The following GPHN variants were observed in gnomAD, a reference collection of about 807,000 sequenced individuals.
The protein encoded by GPHN is gephyrin.
GPHN carries 17 observed loss-of-function variants against 95.5 expected under a neutral mutation model. The observed-to-expected ratio is 0.18, with a 90% CI of 0.12 to 0.27. GPHN has a LOEUF of 0.27. GPHN is among the 10% of genes least tolerant of loss of function. The pLI, the probability that GPHN is intolerant of heterozygous loss-of-function variation, is 1.00. For synonymous variants in GPHN, 320 were observed against 322.5 expected, an observed-to-expected ratio of 0.99 and a Z score of 0.08; for missense variants, 660 against 978.1, an observed-to-expected ratio of 0.67 and a Z score of 4.34.
chr14:67,180,091 T>C (rs2083245976), intron 22 of GPHN, among the ~76,000 whole-genome samples: 1 of 152,224 alleles, frequency 6.6e-6, no homozygotes, highest in Non-Finnish European at 1.5e-5. Context: ...CATACGCTAG[T>C]TATTGGTAAA....
In GPHN at chr14:66,921,745, A is replaced by C. The variant is rs142244584; in HGVS notation, c.457-921A>C. On this transcript the variant is annotated intron_variant, in intron 6 of 22. Transcript: ENST00000478722. ...CATATGGCACCAAAAAAGAGCCCGCATAGCCAAAGCAAGACTAAGCAAAAA... is the reference window on the plus strand; with the variant it reads ...CATATGGCACCAAAAAAGAGCCCGCCTAGCCAAAGCAAGACTAAGCAAAAA... Among the ~76,000 whole-genome samples, 1,087 of 152,292 alleles carry C rather than the reference A, an allele frequency of 7.1e-3. 23 individuals are homozygous for C. The highest frequency in any genetic ancestry group is 0.025 in the African/African-American group (1,037 of 41,570).
At chr14:66,708,663 A>G (rs1019939232) in intron 2 of GPHN, among the ~76,000 whole-genome samples, 9 of 152,294 alleles carry the variant, frequency 5.9e-5, no homozygotes, top group Non-Finnish European at 1.2e-4. Flanking sequence ...TGAGTCTGAG[A>G]GATTGCCAGA....
the GPHN span, among the ~76,000 whole-genome samples, chr14:67,493,713 T>C: frequency 2.6e-5 from 4 of 152,082 alleles, no homozygotes; most frequent in South Asian, 8.3e-4. Context: ...GGTTCAGGGA[T>C]GGATACATGC....
At chr14:67,658,032 AGCCACTG>A in the GPHN span, among the ~76,000 whole-genome samples, 1 of 152,190 alleles carries the variant, frequency 6.6e-6, no homozygotes, top group Non-Finnish European at 1.5e-5. Context: ...TACAGGCGTA[AGCCACTG>A]TGCCCGGCGC....
intron 8 of GPHN, among the ~76,000 whole-genome samples, chr14:66,924,954 G>A (rs769639273): frequency 2.6e-5 from 4 of 151,592 alleles, no homozygotes; most frequent in African/African-American, 4.8e-5. Context: ...AAAAAAAAAC[G>A]ATCTAAGTCC....
chr14:66,585,056 C>T (rs2061362832), intron 1 of GPHN, among the ~76,000 whole-genome samples: 1 of 152,146 alleles, frequency 6.6e-6, no homozygotes, highest in African/African-American at 2.4e-5. Context: ...ATTATTGCCT[C>T]AGTTTCAGAG....
the GPHN span, chr14:67,570,136 G>A: frequency 2.7e-6 from 2 of 753,044 alleles, no homozygotes; most frequent in Non-Finnish European, 4.4e-6. Flanking sequence ...CCAGGGAGCT[G>A]AGCCCAGCAC....
chr14:66,617,056 G>A (rs1033177096), intron 1 of GPHN, among the ~76,000 whole-genome samples: 1 of 152,154 alleles, frequency 6.6e-6, no homozygotes, highest in African/African-American at 2.4e-5. Flanking sequence ...ATTGGTGGAG[G>A]GGTTATGCTT....
chr14:67,393,025 T>G, the GPHN span: 2 of 909,178 alleles, frequency 2.2e-6, no homozygotes, highest in East Asian at 2.4e-5. Context: ...CATGGCCATC[T>G]CAGGCTAGCC....
chr14:67,311,094 C>T, the GPHN span, among the ~76,000 whole-genome samples: 2 of 151,990 alleles, frequency 1.3e-5, no homozygotes, highest in African/African-American at 4.8e-5. Context: ...GGTGGATCAC[C>T]TGAGGTCAGG....
the GPHN span, chr14:67,583,865 C>T: frequency 1.2e-6 from 2 of 1,613,522 alleles, no homozygotes; most frequent in Non-Finnish European, 8.5e-7. Context: ...AGACATGGGG[C>T]CCCCGCTGAA....
intron 1 of GPHN, among the ~76,000 whole-genome samples, chr14:66,575,773 T>TG (rs900819837): frequency 3.3e-5 from 5 of 152,002 alleles, no homozygotes; most frequent in African/African-American, 4.8e-5. Flanking sequence ...CCTGTGTCTA[T>TG]GGGGGGCTGG....
chr14:67,399,341 G>C, the GPHN span, among the ~76,000 whole-genome samples: 1 of 151,220 alleles, frequency 6.6e-6, no homozygotes, highest in African/African-American at 2.4e-5. Context: ...CAGGAATAAA[G>C]AGAAGGGTAG....
chr14:66,752,067 T>G (rs2058386810), intron 2 of GPHN, among the ~76,000 whole-genome samples: 1 of 152,128 alleles, frequency 6.6e-6, no homozygotes, highest in African/African-American at 2.4e-5. Context: ...TGAAGCAACT[T>G]CTGCTAGCTT....
intron 6 of GPHN, among the ~76,000 whole-genome samples, chr14:66,922,414 AAG>A (rs2066271107): frequency 6.6e-6 from 1 of 152,180 alleles, no homozygotes; most frequent in South Asian, 2.1e-4. Context: ...TTTCAATTAA[AAG>A]AGTGGTCATT....
chr14:66,883,559 C>T (rs536512347), intron 5 of GPHN, among the ~76,000 whole-genome samples: 1 of 152,056 alleles, frequency 6.6e-6, no homozygotes, highest in African/African-American at 2.4e-5. Context: ...TTTCCTTGTT[C>T]TATGTTGAGA....
At chr14:66,703,743 A>G (rs2068784792) in intron 2 of GPHN, among the ~76,000 whole-genome samples, 1 of 152,206 alleles carries the variant, frequency 6.6e-6, no homozygotes, top group African/African-American at 2.4e-5. Flanking sequence ...TGTGCAAAAT[A>G]ACCAGGTAGC....
At chr14:67,407,443 T>TA in the GPHN span, among the ~76,000 whole-genome samples, 4 of 151,218 alleles carry the variant, frequency 2.6e-5, no homozygotes, top group African/African-American at 7.3e-5. Context: ...TTTTTTTAAT[T>TA]AAAAAAAATG....
chr14:67,118,717 G>T (rs924275736), intron 16 of GPHN, among the ~76,000 whole-genome samples: 2 of 151,806 alleles, frequency 1.3e-5, no homozygotes, highest in East Asian at 1.9e-4. Context: ...GGGCGACAGA[G>T]CGAGACTCCG....
Sources: gnomAD v4.1 joint callset for allele counts (sites outside exome capture counted in the v4.1 genomes callset) on GRCh38, gnomAD v4.1.1 for gene constraint, MANE v1.5 for transcripts, NCBI Gene and HGNC (gene_info 2026-07-23, HGNC 2026-07-21) for gene names.